The following HPCAL1 variants were observed in gnomAD, a reference collection of about 807,000 sequenced individuals.
HPCAL1 encodes hippocalcin like 1.
HPCAL1 carries 8 observed loss-of-function variants against 17.1 expected under a neutral mutation model. The ratio of observed to expected loss-of-function variants is 0.47; its 90% CI spans 0.27 to 0.84. The LOEUF (loss-of-function observed/expected upper bound fraction) is 0.84. Ranked by LOEUF, HPCAL1 falls within the 40% of genes least tolerant of loss-of-function variation. The pLI is 0.13. For missense variants in HPCAL1, 165 were observed against 271.1 expected (o/e 0.61, Z 2.75); for synonymous variants, 112 against 111.4 (o/e 1.01, Z -0.03).
intron 1 of HPCAL1, among the ~76,000 whole-genome samples, chr2:10,390,958 G>A (rs556415691): frequency 2.0e-5 from 3 of 152,312 alleles, no homozygotes; most frequent in East Asian, 3.9e-4. Flanking sequence ...CCTGGGGTCC[G>A]GCACCACCTT....
chr2:10,409,510 T>C (rs1258101862), intron 2 of HPCAL1, among the ~76,000 whole-genome samples: 2 of 152,010 alleles, frequency 1.3e-5, no homozygotes, highest in Non-Finnish European at 2.9e-5. Context: ...CAGGCCCGAG[T>C]TGTTTTGAAA....
intron 1 of HPCAL1, among the ~76,000 whole-genome samples, chr2:10,370,963 C>T (rs139052497): frequency 1.6e-3 from 251 of 152,300 alleles, no homozygotes; most frequent in African/African-American, 5.9e-3. Flanking sequence ...CTGTGGGATC[C>T]GAGGCAGAGC....
intron 1 of HPCAL1, among the ~76,000 whole-genome samples, chr2:10,385,692 C>T (rs1049516274): frequency 1.2e-4 from 19 of 152,106 alleles, no homozygotes; most frequent in Non-Finnish European, 2.5e-4. Context: ...TGTGGCGCGA[C>T]GGCTGCTGTG....
At chr2:10,414,345 G>A (rs1003156624) in intron 2 of HPCAL1, among the ~76,000 whole-genome samples, 1 of 152,174 alleles carries the variant, frequency 6.6e-6, no homozygotes, top group Non-Finnish European at 1.5e-5. Flanking sequence ...TTTTCTCACG[G>A]TCTGGAGGCC....
At chr2:10,399,933 G>A (rs905170901) in intron 2 of HPCAL1, among the ~76,000 whole-genome samples, 3 of 152,224 alleles carry the variant, frequency 2.0e-5, no homozygotes, top group African/African-American at 7.2e-5. Context: ...ACAGACCAGA[G>A]TAAACCTGGC....
chr2:10,399,478 C>CCACCAT (rs1427901742), intron 2 of HPCAL1, among the ~76,000 whole-genome samples: 3 of 110,518 alleles, frequency 2.7e-5, no homozygotes, highest in Admixed American at 8.8e-5. Flanking sequence ...ACCATCATCA[C>CCACCAT]CACCATCACC....
intron 2 of HPCAL1, among the ~76,000 whole-genome samples, chr2:10,416,677 A>C (rs553785532): frequency 6.6e-6 from 1 of 151,126 alleles, no homozygotes; most frequent in African/African-American, 2.4e-5. Flanking sequence ...TTTTGGTAGT[A>C]GTGATCTTCT....
At chr2:10,307,634 T>A (rs994031097) in intron 1 of HPCAL1, among the ~76,000 whole-genome samples, 2 of 152,200 alleles carry the variant, frequency 1.3e-5, no homozygotes, top group African/African-American at 2.4e-5. Context: ...AAGCTAGAAA[T>A]CTCTGGAGAG....
At chr2:10,391,065 T>C (rs1441644875) in intron 1 of HPCAL1, among the ~76,000 whole-genome samples, 1 of 152,208 alleles carries the variant, frequency 6.6e-6, no homozygotes, top group Non-Finnish European at 1.5e-5. Context: ...TGCACCCCAC[T>C]GGGCCATGGG....
At chr2:10,396,650 C>A (rs1669047408) in intron 1 of HPCAL1, among the ~76,000 whole-genome samples, 185 bp from the exon 2 acceptor site, 1 of 152,226 alleles carries the variant, frequency 6.6e-6, no homozygotes, top group Non-Finnish European at 1.5e-5. Context: ...GTGCAGCGGC[C>A]TTGGGCATGT....
At chr2:10,364,698 A>G (rs1572724593) in intron 1 of HPCAL1, among the ~76,000 whole-genome samples, 1 of 148,850 alleles carries the variant, frequency 6.7e-6, no homozygotes, top group African/African-American at 2.5e-5. Context: ...TGATCCTCCC[A>G]CCTCAGCCTT....
chr2:10,423,115 A>C, intron 4 of HPCAL1, 27 bp downstream of exon 4: 2 of 1,503,306 alleles, frequency 1.3e-6, no homozygotes, highest in Non-Finnish European at 1.9e-6. Context: ...GCGGGGCTGC[A>C]TGTGTACGCC....
intron 1 of HPCAL1, among the ~76,000 whole-genome samples, chr2:10,340,880 A>C (rs1665038115): frequency 6.6e-6 from 1 of 152,084 alleles, no homozygotes; most frequent in Non-Finnish European, 1.5e-5. Flanking sequence ...TCTTATAATC[A>C]TGCTTCATGC....
Position 10,310,817 on chromosome 2 carries a change from GCT to G in HPCAL1, c.-111+7643_-111+7644del, listed in dbSNP as rs1662908848. Among the ~76,000 whole-genome samples the G allele has an allele frequency of 6.6e-6, 1 of 152,078 alleles. No individual in the cohort carries two copies. The highest frequency in any genetic ancestry group is 1.5e-5 in the Non-Finnish European group (1 of 68,014). ...TACAGCAGTGTGTATCGACTGCAGC[GCT>G]CTTTTTCTCTAGCAGCAAAATGCTC... is the stretch of plus-strand genomic sequence containing the variant. On this transcript the variant is annotated intron_variant, in intron 1 of 4. Transcript: ENST00000307845. The surrounding 1 kb of genome is among the most constrained non-coding windows in gnomAD (Gnocchi z 4.5).
At chr2:10,405,610 T>C (rs1572836310) in intron 2 of HPCAL1, among the ~76,000 whole-genome samples, 1 of 152,216 alleles carries the variant, frequency 6.6e-6, no homozygotes, top group East Asian at 1.9e-4. Flanking sequence ...CGCGTAGATC[T>C]TCCCCCCAGG....
intron 3 of HPCAL1, 46 bp from the exon 4 acceptor site, chr2:10,422,937 C>T (rs1350371766): frequency 6.3e-6 from 9 of 1,431,642 alleles, no homozygotes; most frequent in Non-Finnish European, 8.8e-6. Flanking sequence ...TGCACCCGCC[C>T]AAGCCCCCGG....
intron 1 of HPCAL1, among the ~76,000 whole-genome samples, chr2:10,350,945 G>T (rs1665806386): frequency 6.6e-6 from 1 of 152,188 alleles, no homozygotes; most frequent in Non-Finnish European, 1.5e-5. Flanking sequence ...AAATGGAGAA[G>T]GTGGAACCCT....
intron 1 of HPCAL1, among the ~76,000 whole-genome samples, chr2:10,350,784 C>T (rs539390212): frequency 2.4e-4 from 37 of 152,276 alleles, no homozygotes; most frequent in Non-Finnish European, 4.9e-4. Flanking sequence ...CTTGAATAGA[C>T]GTTTCTCCAA....
chr2:10,312,488 A>C (rs1432538926), intron 1 of HPCAL1, among the ~76,000 whole-genome samples: 3 of 150,496 alleles, frequency 2.0e-5, no homozygotes, highest in Non-Finnish European at 4.4e-5. Flanking sequence ...TGTCATCATC[A>C]CCATTCACCG....
Sources: allele counts gnomAD v4.1 joint callset (sites outside exome capture counted in the v4.1 genomes callset), GRCh38; gene constraint gnomAD v4.1.1; non-coding constraint Gnocchi (gnomAD v3.1); transcripts MANE v1.5; gene names NCBI Gene and HGNC (gene_info 2026-07-23, HGNC 2026-07-21).